The following TMEM204 variants were observed in gnomAD, a reference collection of about 807,000 sequenced individuals.
The protein encoded by TMEM204 is claudin-like protein 24.
Under a neutral mutation model 19.4 loss-of-function variants are expected in TMEM204, and 15 were observed. That is an observed-to-expected ratio of 0.77 (90% CI 0.52 to 1.19). TMEM204 has a LOEUF of 1.19. Among genes scored for constraint, TMEM204 ranks in the 50% most tolerant of loss-of-function variants. The pLI, the probability that TMEM204 is intolerant of heterozygous loss-of-function variation, is 0.00. For missense variants in TMEM204, 287 were observed against 321.2 expected (o/e 0.89, Z 0.81); for synonymous variants, 161 against 146.0 (o/e 1.10, Z -0.74).
At chr16:1,542,168 G>C in intron 2 of TMEM204, 92 bp downstream of exon 2, 2 of 1,386,746 alleles carry the variant, frequency 1.4e-6, no homozygotes, top group South Asian at 3.0e-5. Flanking sequence ...GTGGCCTGGG[G>C]GGAAGCTGCA....
intron 2 of TMEM204, 79 bp downstream of exon 2, chr16:1,542,155 T>C (rs2031714732): frequency 7.0e-7 from 1 of 1,418,746 alleles, no homozygotes. Context: ...CCTGAGGCCT[T>C]GGGTGGCCTG....
In TMEM204 at chr16:1,534,161, G is replaced by A. The variant is rs754384712; in HGVS notation, c.-115G>A. The A allele has an allele frequency of 7.0e-4, 975 of 1,383,078 alleles. 2 individuals carry two copies. Among genetic ancestry groups the A allele is most frequent in the Non-Finnish European group, 7.6e-4 (789 of 1,033,408 alleles). 85.7% of individuals were successfully genotyped at this position (1,383,078 alleles called of 1,614,324 possible). On this transcript the variant is annotated 5_prime_UTR_variant, in exon 1 of 3. Coordinates refer to ENST00000566264, the MANE Select transcript of TMEM204 (RefSeq NM_024600.6). ...CATGGGCCTCCGCCCGCGCCGCCCC[G>A]AGGATGAGTGGTGATGTCCTCTAGC...
chr16:1,553,416 G>A lies in TMEM204; in HGVS notation c.437-1366G>A, dbSNP rs993700328. 1.0e-6 allele frequency: 1 copy of A among 985,392 alleles called. No homozygotes were observed. The highest frequency in any genetic ancestry group is 1.7e-5 in the African/African-American group (1 of 57,334). The allele number at this position is 985,392 out of a possible 1,614,324, so 61.0% of individuals were successfully genotyped here. On this transcript the variant is annotated intron_variant, in intron 2 of 2. Coordinates refer to ENST00000566264, the MANE Select transcript of TMEM204 (RefSeq NM_024600.6). The surrounding 1 kb of genome is among the most constrained non-coding windows in gnomAD (Gnocchi z 4.4). ...GTTTCCTGGGGAATGCAGGGGAGGC[G>A]GTTGGGAGTGGAGAGACCGGCATGA...
At chr16:1,538,892 T>C (rs2031338812) in intron 1 of TMEM204, among the ~76,000 whole-genome samples, 1 of 152,176 alleles carries the variant, frequency 6.6e-6, no homozygotes, top group Non-Finnish European at 1.5e-5. Flanking sequence ...CAGGGCAGTG[T>C]CTGCCTCAAC....
upstream of TMEM204, chr16:1,528,867 G>A (rs2030123523): frequency 6.6e-6 from 1 of 152,252 alleles, no homozygotes; most frequent in Non-Finnish European, 1.5e-5. Context: ...GAGAAGGAGG[G>A]GCTCGGGAGG....
At chr16:1,530,645 G>A (rs896870749), upstream of TMEM204, 6 of 150,456 alleles carry the variant, frequency 4.0e-5, no homozygotes, top group African/African-American at 1.5e-4. Flanking sequence ...TTGGGTCCCA[G>A]ACGGGCTCCC....
In TMEM204 at chr16:1,541,951, T is replaced by C. The variant is rs1438843392; in HGVS notation, c.311T>C (p.Leu104Pro). The change falls in exon 2 of 3, where the codon CTG becomes CCG. Residue 104 changes from leucine to proline, a missense_variant. Transcript: ENST00000566264. Reference sequence around the variant, plus strand: ...TTCGACATGATGCGCGCCTGCAACCTGGTGGCCACGGCCGCGCTCACCGCA... The same window carrying C: ...TTCGACATGATGCGCGCCTGCAACCCGGTGGCCACGGCCGCGCTCACCGCA... ...LQFDMMRACNLVATAALTAGQ... is the reference protein window; with the variant it reads ...LQFDMMRACNPVATAALTAGQ... The C allele has an allele frequency of 6.2e-7, 1 of 1,608,654 alleles. No homozygotes were observed. Among genetic ancestry groups the C allele is most frequent in the African/African-American group, 1.3e-5 (1 of 74,964 alleles).
At chr16:1,546,186 A>G (rs979310518) in intron 2 of TMEM204, among the ~76,000 whole-genome samples, 1 of 152,342 alleles carries the variant, frequency 6.6e-6, no homozygotes, top group African/African-American at 2.4e-5. Context: ...GTAAAAGGTC[A>G]TTACAGCCTC....
rs1310819575 is a variant in TMEM204 at position 1,553,468 on chromosome 16, G to A, written c.437-1314G>A. On this transcript the variant is annotated intron_variant, in intron 2 of 2. Coordinates refer to ENST00000566264, the MANE Select transcript of TMEM204 (RefSeq NM_024600.6). The surrounding 1 kb of genome is among the most constrained non-coding windows in gnomAD (Gnocchi z 4.4). ...CAGACGCACAGGTGTCAACATGCAGGCCAGGCGGAGGGACAGCAGTGGGGC... is the reference window on the plus strand; with the variant it reads ...CAGACGCACAGGTGTCAACATGCAGACCAGGCGGAGGGACAGCAGTGGGGC... 9.1e-6 allele frequency: 9 copies of A among 985,464 alleles called. No homozygotes were observed. The highest frequency in any genetic ancestry group is 1.1e-5 in the Non-Finnish European group (9 of 829,940). The allele number at this position is 985,464 out of a possible 1,614,324, so 61.0% of individuals were successfully genotyped here.
rs1479821199 is a variant in TMEM204, at chr16:1,551,401, G to C, written c.437-3381G>C. ...GTGGCACGAGGAGAAGCCCAGAGTAGGTGGACCCAGTGACTGAGAGGGGTG... is the reference window on the plus strand; with the variant it reads ...GTGGCACGAGGAGAAGCCCAGAGTACGTGGACCCAGTGACTGAGAGGGGTG... On this transcript the variant is annotated intron_variant, in intron 2 of 2. Coordinates refer to ENST00000566264, the MANE Select transcript of TMEM204 (RefSeq NM_024600.6). The surrounding 1 kb of genome is among the most constrained non-coding windows in gnomAD (Gnocchi z 4.0). Among the ~76,000 whole-genome samples, 2 of 152,114 alleles carry C rather than the reference G, an allele frequency of 1.3e-5. No individual in the cohort carries two copies. Among genetic ancestry groups the C allele is most frequent in the South Asian group, 2.1e-4 (1 of 4,824 alleles).
chr16:1,544,535 G>A (rs2031977296), intron 2 of TMEM204, among the ~76,000 whole-genome samples: 1 of 151,326 alleles, frequency 6.6e-6, no homozygotes, highest in Non-Finnish European at 1.5e-5. Flanking sequence ...TCACCATGTT[G>A]GTCCAGCTGG....
chr16:1,530,127 G>A (rs559227474), upstream of TMEM204, among the ~76,000 whole-genome samples: 5 of 135,488 alleles, frequency 3.7e-5, no homozygotes, highest in South Asian at 9.2e-4. Context: ...ACTTCACGAC[G>A]GGAATCTTTT....
chr16:1,548,775 G>A lies in TMEM204; in HGVS notation c.437-6007G>A, dbSNP rs147245553. Among the ~76,000 whole-genome samples, 6 of 152,350 alleles carry A rather than the reference G, an allele frequency of 3.9e-5. No individual in the cohort carries two copies. In the East Asian group the frequency reaches 9.6e-4, roughly 24 times the overall value. The stretch of plus-strand genomic sequence containing the variant: ...AAGGCTTCAGAACGGCATCCACAGC[G>A]CAGTGCGATCATGCAGCTGACTCAG... On this transcript the variant is annotated intron_variant, in intron 2 of 2. Transcript: ENST00000566264.
intron 2 of TMEM204, among the ~76,000 whole-genome samples, chr16:1,552,641 G>A (rs893225511): frequency 6.8e-6 from 1 of 147,624 alleles, no homozygotes; most frequent in Non-Finnish European, 1.5e-5. Flanking sequence ...TCATTACAAA[G>A]AGAATGCTTT....
In TMEM204 at chr16:1,553,176, CTCTCTGTCTCTCCTTCCCTGTGTCTCTG is replaced by C. The variant is rs1266648657; in HGVS notation, c.437-1593_437-1566del. The C allele has an allele frequency of 1.0e-6, 1 of 985,074 alleles. No individual in the cohort carries two copies. The highest frequency in any genetic ancestry group is 1.2e-6 in the Non-Finnish European group (1 of 829,782). 61.0% of individuals were successfully genotyped at this position (985,074 alleles called of 1,614,324 possible). A position where few individuals can be genotyped will look rare whatever the true frequency, so the allele number is the denominator to read the frequency against. ...AACAAGGCTGGTTACCCATCTCTTG[CTCTCTGTCTCTCCTTCCCTGTGTCTCTG>C]TCTCTGTCTCTCTCTGTCTCCATCT... On this transcript the variant is annotated intron_variant, in intron 2 of 2. Transcript: ENST00000566264. This position sits in a 1 kb window ranked among gnomAD's most constrained non-coding sequence, Gnocchi z 4.4.
chr16:1,541,731 T>C (rs975428198), intron 1 of TMEM204, among the ~76,000 whole-genome samples, 190 bp from the exon 2 acceptor site: 61 of 151,910 alleles, frequency 4.0e-4, no homozygotes, highest in African/African-American at 1.5e-3. Context: ...CAGGAAGACA[T>C]GGGACCCAGG....
chr16:1,534,258 G>A lies in TMEM204; in HGVS notation c.-18G>A, dbSNP rs1190978351. On this transcript the variant is annotated 5_prime_UTR_variant, in exon 1 of 3. Coordinates refer to ENST00000566264, the MANE Select transcript of TMEM204 (RefSeq NM_024600.6). ...GGACTTGGCTTTCTCCGGATAAGCG[G>A]CGGCACCGGCGTCAGCGATGACCGT... The A allele has an allele frequency of 1.9e-6, 3 of 1,608,196 alleles. No homozygotes were observed. In the East Asian group the frequency reaches 6.7e-5, roughly 36 times the overall value.
Position 1,541,301 on chromosome 16 carries a change from C to G in TMEM204, c.281-620C>G, listed in dbSNP as rs1179140545. 3 of 985,244 alleles carry G rather than the reference C, an allele frequency of 3.0e-6. No homozygotes were observed. The African/African-American group carries it at 5.2e-5, about 17-fold the overall frequency. The allele number at this position is 985,244 out of a possible 1,614,324, so 61.0% of individuals were successfully genotyped here. On this transcript the variant is annotated intron_variant, in intron 1 of 2. Transcript: ENST00000566264. ...AGGTGAGGGGGGCAGGTGGGGGGCA[C>G]TGGTTCAGACCCATGTCTGACCCCT... is the stretch of plus-strand genomic sequence containing the variant.
rs544261833 is a variant in TMEM204 at position 1,542,929 on chromosome 16, C to T, written c.436+853C>T. Among the ~76,000 whole-genome samples the T allele has an allele frequency of 7.2e-5, 11 of 152,364 alleles. No homozygotes were observed. In the East Asian group the frequency reaches 1.2e-3, roughly 16 times the overall value. On this transcript the variant is annotated intron_variant, in intron 2 of 2. Transcript: ENST00000566264. ...GTGACAGTGATGGAGTTGTCGTCAA[C>T]GACCTATGGAAGGGTCCTGCGGTGT...
Sources: allele counts gnomAD v4.1 joint callset (sites outside exome capture counted in the v4.1 genomes callset), GRCh38; gene constraint gnomAD v4.1.1; non-coding constraint Gnocchi (gnomAD v3.1); transcripts MANE v1.5; gene names NCBI Gene and HGNC (gene_info 2026-07-23, HGNC 2026-07-21).